Variants in SF1 observed in about 807,000 individuals in gnomAD.
The protein encoded by SF1 is branch point-binding protein.
SF1 carries 7 observed loss-of-function variants against 62.5 expected under a neutral mutation model. That is an observed-to-expected ratio of 0.11 (90% CI 0.06 to 0.21). The LOEUF is 0.21. Ranked by LOEUF, SF1 falls within the 10% of genes least tolerant of loss-of-function variation. The pLI is 1.00. For synonymous variants in SF1, 394 were observed against 323.6 expected (o/e 1.22, Z -2.33); for missense variants, 578 against 884.0 (o/e 0.65, Z 4.39).
In SF1 at chr11:64,767,288, T is replaced by C. The variant is rs776424028; in HGVS notation, c.1343-37A>G. 20 of 1,604,342 alleles carry C rather than the reference T, an allele frequency of 1.2e-5. 1 individual carries two copies. Among genetic ancestry groups the C allele is most frequent in the African/African-American group, 6.7e-5 (5 of 74,682 alleles). ...GAAAGAGCAGGGACTTAGCAGGACATTGGAACTGGCCAGGGAAGCCACCCC... is the reference window on the plus strand; with the variant it reads ...GAAAGAGCAGGGACTTAGCAGGACACTGGAACTGGCCAGGGAAGCCACCCC... On this transcript the variant is annotated intron_variant, in intron 10 of 12. Transcript: ENST00000377390.
chr11:64,777,783 C>T, intron 1 of SF1: 1 of 947,906 alleles, frequency 1.1e-6, no homozygotes, highest in Non-Finnish European at 1.3e-6. Flanking sequence ...GCCTCCCGCC[C>T]GCCCAGCCCT....
In SF1 at chr11:64,765,832, G is replaced by A. The variant is rs966113873; in HGVS notation, c.1906C>T (p.Pro636Ser). The A allele has an allele frequency of 1.3e-6, 2 of 1,551,098 alleles. No homozygotes were observed. The highest frequency in any genetic ancestry group is 2.0e-5 in the Admixed American group (1 of 51,136). ...FGMPPAPPPP[P>S]PQN ...AAAAAACAAGTCTAGTTCTGTGGTGGAGGCGGTGGGGGAGCTGGAGGCATC... is the reference window on the plus strand; with the variant it reads ...AAAAAACAAGTCTAGTTCTGTGGTGAAGGCGGTGGGGGAGCTGGAGGCATC... Residue 636 changes from proline (P) to serine (S), a missense_variant, in exon 13 of 13, where the codon CCA becomes TCA. By Grantham distance (74) the Pro-to-Ser change is moderately conservative. Coordinates refer to ENST00000377390, the MANE Select transcript of SF1 (RefSeq NM_004630.4).
At chr11:64,773,913 TTGAG>T (rs1938714170) in intron 2 of SF1, among the ~76,000 whole-genome samples, 1 of 152,088 alleles carries the variant, frequency 6.6e-6, no homozygotes, top group Non-Finnish European at 1.5e-5. Flanking sequence ...AGGGCAAGAA[TTGAG>T]TTTTTTCTTC....
chr11:64,768,878 C>T (rs374717573), intron 8 of SF1, 144 bp downstream of exon 8: 1 of 696,328 alleles, frequency 1.4e-6, no homozygotes, highest in East Asian at 2.5e-5. Flanking sequence ...TCTAATCATC[C>T]TGGGCTTTAA....
chr11:64,772,803 GA>G (rs112795955), intron 3 of SF1: 3,565 of 684,284 alleles, frequency 5.2e-3, no homozygotes, highest in Non-Finnish European at 5.8e-3. Context: ...TCCCTTTAAG[GA>G]AAAAAAAAAA....
At chr11:64,775,196 G>A (rs2135966686) in intron 2 of SF1, among the ~76,000 whole-genome samples, 1 of 151,666 alleles carries the variant, frequency 6.6e-6, no homozygotes, top group African/African-American at 2.4e-5. Context: ...AATAAAAAGG[G>A]TCATTCTCTT....
In SF1 at chr11:64,765,401, G is replaced by T; in HGVS notation, c.*417C>A. On this transcript the variant is annotated 3_prime_UTR_variant, in exon 13 of 13. Transcript: ENST00000377390. ...CCACAAAAATAACTCAGGCTGCTTT[G>T]CCGAACCATCCTGTCCACCAGGGGC... 2 of 1,336,850 alleles carry T rather than the reference G, an allele frequency of 1.5e-6. No individual in the cohort carries two copies. Among genetic ancestry groups the T allele is most frequent in the Non-Finnish European group, 2.1e-6 (2 of 931,744 alleles). 82.8% of individuals were successfully genotyped at this position (1,336,850 alleles called of 1,614,324 possible).
At chr11:64,775,885 T>G (rs557422050) in intron 2 of SF1, among the ~76,000 whole-genome samples, 10 of 152,164 alleles carry the variant, frequency 6.6e-5, no homozygotes, top group Non-Finnish European at 1.0e-4. Context: ...CCAGCAGAGT[T>G]CTTTAAAAGT....
Position 64,766,917 on chromosome 11 carries a change from G to A in SF1, c.1565C>T (p.Pro522Leu). The A allele has an allele frequency of 7.0e-7, 1 of 1,419,018 alleles. No individual in the cohort carries two copies. The highest frequency in any genetic ancestry group is 2.6e-5 in the East Asian group (1 of 38,062). 87.9% of individuals were successfully genotyped at this position (1,419,018 alleles called of 1,614,324 possible). A position where few individuals can be genotyped will look rare whatever the true frequency, so the allele number is the denominator to read the frequency against. ...CTACTCACTTTGCTGCCATGGCAAG[G>A]GGGTACTGGAAGCCATACTGCTGCT... The part of the protein sequence containing the change: ...PPSSSMASST[P>L]LPWQQNTTTT... Residue 522 changes from proline to leucine, a missense_variant, in exon 12 of 13, where the codon CCC becomes CTC. By Grantham distance (98) the Pro-to-Leu change is moderately conservative. This residue lies in a region of SF1 where 410 missense variants were observed against 452.4 expected (regional missense o/e 0.91). Coordinates refer to ENST00000377390, the MANE Select transcript of SF1 (RefSeq NM_004630.4).
intron 2 of SF1, among the ~76,000 whole-genome samples, chr11:64,775,243 G>C (rs1280990470): frequency 6.6e-6 from 1 of 152,098 alleles, no homozygotes; most frequent in African/African-American, 2.4e-5. Flanking sequence ...ATTCTATTTT[G>C]ATTATAGCTA....
chr11:64,778,168 CGGCGGCGGA>C (rs956245645), intron 1 of SF1, 185 bp downstream of exon 1: 688 of 858,832 alleles, frequency 8.0e-4, no homozygotes, highest in Middle Eastern at 2.9e-3. Flanking sequence ...GCGGAGGGGG[CGGCGGCGGA>C]GGCGGCGGAG....
At chr11:64,766,202 C>CG (rs2058651684) in intron 12 of SF1, 47 bp from the exon 13 acceptor site, 1 of 1,457,408 alleles carries the variant, frequency 6.9e-7, no homozygotes, top group Non-Finnish European at 9.3e-7. Context: ...GGGCACACCG[C>CG]GGCTGTCTGC....
At position 64,765,319 on chromosome 11, in the gene SF1, A is replaced by G; in HGVS notation, c.*499T>C. 1 of 669,606 alleles carries G rather than the reference A, an allele frequency of 1.5e-6. No homozygotes were observed. Among genetic ancestry groups the G allele is most frequent in the Non-Finnish European group, 2.7e-6 (1 of 376,752 alleles). 41.5% of individuals were successfully genotyped at this position (669,606 alleles called of 1,614,324 possible). A position where few individuals can be genotyped will look rare whatever the true frequency, so the allele number is the denominator to read the frequency against. ...GAAAAGATAAAGAAGTAACAAAGGA[A>G]AAAGAAAAAAATTAATAAAAATTTC... On this transcript the variant is annotated 3_prime_UTR_variant, in exon 13 of 13. Transcript: ENST00000377390.
intron 1 of SF1, chr11:64,777,843 C>T (rs1939591455): frequency 1.1e-6 from 1 of 948,986 alleles, no homozygotes; most frequent in Non-Finnish European, 1.3e-6. Context: ...AGGCCGCGCG[C>T]GCCCAGGGGC....
intron 1 of SF1, 180 bp downstream of exon 1, chr11:64,778,182 G>A: frequency 5.1e-6 from 5 of 989,058 alleles, no homozygotes; most frequent in Non-Finnish European, 6.3e-6. Context: ...GGCGGAGGCG[G>A]CGGAGGCAGC....
At position 64,770,416 on chromosome 11, in the gene SF1, A is replaced by G; in HGVS notation, c.237-8T>C. The G allele has an allele frequency of 6.2e-7, 1 of 1,609,780 alleles. No individual in the cohort carries two copies. Among genetic ancestry groups the G allele is most frequent in the Non-Finnish European group, 8.5e-7 (1 of 1,176,284 alleles). On this transcript the variant is annotated splice_polypyrimidine_tract_variant and splice_region_variant and intron_variant, in intron 3 of 12. Transcript: ENST00000377390. ...GGCTCAGGGGAAGGGGACCTGTGGG[A>G]AACAGACTCCCGTTTACTATTCTGC... is the stretch of plus-strand genomic sequence containing the variant.
At chr11:64,766,817 GCCTGCTT>G (rs1260063520) in intron 12 of SF1, 76 bp downstream of exon 12, 14 of 1,168,530 alleles carry the variant, frequency 1.2e-5, no homozygotes, top group Non-Finnish European at 1.6e-5. Flanking sequence ...CAAGACACCT[GCCTGCTT>G]GTGTGAGGCT....
At position 64,778,345 on chromosome 11, in the gene SF1, G is replaced by A. The variant is rs778951861; in HGVS notation, c.31+17C>T. On this transcript the variant is annotated intron_variant, in intron 1 of 12. Coordinates refer to ENST00000377390, the MANE Select transcript of SF1 (RefSeq NM_004630.4). ...TGGGCCCGGGGAGCGGGGGCAGCCC[G>A]GGGGGGCCCAGCTTACCCAACGGCG... The A allele has an allele frequency of 2.2e-4, 274 of 1,224,122 alleles. No individual in the cohort carries two copies. The highest frequency in any genetic ancestry group is 3.9e-4 in the Admixed American group (9 of 23,318). The allele number at this position is 1,224,122 out of a possible 1,614,324, so 75.8% of individuals were successfully genotyped here.
intron 2 of SF1, among the ~76,000 whole-genome samples, chr11:64,775,137 GAGA>G (rs1381361359): frequency 6.6e-6 from 1 of 152,120 alleles, no homozygotes; most frequent in East Asian, 1.9e-4. Context: ...TCACTGAGGG[GAGA>G]AGGTGAGTCT....
Sources: allele counts gnomAD v4.1 joint callset (sites outside exome capture counted in the v4.1 genomes callset), GRCh38; gene constraint gnomAD v4.1.1; regional missense constraint gnomAD v4.1.1; transcripts MANE v1.5; gene names NCBI Gene and HGNC (gene_info 2026-07-23, HGNC 2026-07-21).